Variants in ARPP21 observed in about 807,000 individuals in gnomAD.
The protein encoded by ARPP21 is cAMP-regulated phosphoprotein 21.
ARPP21 carries 69 observed loss-of-function variants against 113.2 expected under a neutral mutation model. The observed-to-expected ratio is 0.61, with a 90% CI of 0.50 to 0.74. The LOEUF (loss-of-function observed/expected upper bound fraction) is 0.74. Ranked by LOEUF, ARPP21 falls within the 30% of genes least tolerant of loss-of-function variation. The pLI is 0.00. For missense variants in ARPP21, 1,070 were observed against 1,037.4 expected (o/e 1.03, Z -0.43); for synonymous variants, 368 against 375.5 (o/e 0.98, Z 0.23).
chr3:35,750,115 C>CT (rs57509420), intron 19 of ARPP21, among the ~76,000 whole-genome samples: 13,914 of 92,404 alleles, frequency 0.15, 1,054 homozygotes, highest in Non-Finnish European at 0.21. Context: ...GTTTATTTCG[C>CT]TTTTTTTTTT....
At chr3:35,757,817 G>A (rs959190632) in intron 19 of ARPP21, among the ~76,000 whole-genome samples, 11 of 151,872 alleles carry the variant, frequency 7.2e-5, no homozygotes, top group Non-Finnish European at 1.6e-4. Flanking sequence ...TATTTATTTG[G>A]TATTATATTT....
At chr3:35,748,052 A>AGG (rs1340630853) in intron 19 of ARPP21, among the ~76,000 whole-genome samples, 2,087 of 137,168 alleles carry the variant, frequency 0.015, 106 homozygotes, top group African/African-American at 0.056. Flanking sequence ...GAGAGAAAGA[A>AGG]AAGGAAGAAG....
intron 1 of ARPP21, among the ~76,000 whole-genome samples, chr3:35,648,443 G>A (rs990991375): frequency 1.3e-5 from 2 of 152,146 alleles, no homozygotes; most frequent in African/African-American, 4.8e-5. Context: ...GAGGTGACAT[G>A]AGAGAAACAT....
At chr3:35,666,029 G>A (rs774477980) in intron 1 of ARPP21, among the ~76,000 whole-genome samples, 12 of 151,970 alleles carry the variant, frequency 7.9e-5, no homozygotes, top group South Asian at 2.1e-4. Context: ...CCAACCTTAC[G>A]GTTCAAAGAA....
intron 9 of ARPP21, among the ~76,000 whole-genome samples, chr3:35,701,867 T>C (rs2086548293): frequency 6.6e-6 from 1 of 151,562 alleles, no homozygotes; most frequent in African/African-American, 2.4e-5. Context: ...TAAGAATTGA[T>C]TTGACAAAAC....
chr3:35,733,079 G>C (rs981160837), intron 15 of ARPP21, among the ~76,000 whole-genome samples: 1 of 152,002 alleles, frequency 6.6e-6, no homozygotes. Flanking sequence ...TTGACAGAAG[G>C]GTAAATTCAG....
intron 11 of ARPP21, among the ~76,000 whole-genome samples, chr3:35,710,263 C>T (rs921113223): frequency 6.6e-6 from 1 of 152,078 alleles, no homozygotes; most frequent in Admixed American, 6.5e-5. Flanking sequence ...TTTTAGGAGA[C>T]TCTGCATATG....
rs1266714213 is a variant in ARPP21, at chr3:35,651,439, T to C, written c.-213+11041T>C. Among the ~76,000 whole-genome samples the C allele has an allele frequency of 7.9e-5, 12 of 152,092 alleles. No homozygotes were observed. In the East Asian group the frequency reaches 2.3e-3, roughly 29 times the overall value. ...ATGACACTTTTTTGTATAATATTCATGCATCCATTTTTATTGGCTTGTTCA... is the reference window on the plus strand; with the variant it reads ...ATGACACTTTTTTGTATAATATTCACGCATCCATTTTTATTGGCTTGTTCA... On this transcript the variant is annotated intron_variant, in intron 1 of 20. Coordinates refer to ENST00000684406, the MANE Select transcript of ARPP21 (RefSeq NM_001385562.1).
chr3:35,731,010 C>G (rs2150514806), intron 15 of ARPP21, among the ~76,000 whole-genome samples: 1 of 152,274 alleles, frequency 6.6e-6, no homozygotes, highest in African/African-American at 2.4e-5. Flanking sequence ...CAAAAGAACA[C>G]TAGGATCATA....
chr3:35,641,786 C>T (rs2148833849), intron 1 of ARPP21: 1 of 152,210 alleles, frequency 6.6e-6, no homozygotes, highest in Admixed American at 6.5e-5. Flanking sequence ...TGTAAATTTT[C>T]TGGAGAGTGA....
intron 19 of ARPP21, among the ~76,000 whole-genome samples, chr3:35,785,441 T>A (rs2096610442): frequency 6.6e-6 from 1 of 152,160 alleles, no homozygotes; most frequent in African/African-American, 2.4e-5. Context: ...TTGGAGGCAT[T>A]CATTGAAATT....
intron 19 of ARPP21, among the ~76,000 whole-genome samples, chr3:35,790,358 T>C (rs1009025967): frequency 4.6e-5 from 7 of 152,220 alleles, no homozygotes; most frequent in South Asian, 2.1e-4. Flanking sequence ...TTTTCTTATG[T>C]ATATAATAAT....
At chr3:35,668,180 G>A (rs937645257) in intron 1 of ARPP21, among the ~76,000 whole-genome samples, 6 of 152,122 alleles carry the variant, frequency 3.9e-5, no homozygotes, top group African/African-American at 1.4e-4. Context: ...CATTTTGGGG[G>A]AAGAGTATTC....
intron 9 of ARPP21, among the ~76,000 whole-genome samples, chr3:35,692,358 A>T (rs2082479240): frequency 6.6e-6 from 1 of 151,614 alleles, no homozygotes; most frequent in Non-Finnish European, 1.5e-5. Context: ...TTCCCTCTCC[A>T]TGCAATACTC....
intron 19 of ARPP21, among the ~76,000 whole-genome samples, chr3:35,762,488 G>T (rs375505830): frequency 3.3e-5 from 5 of 151,882 alleles, no homozygotes; most frequent in South Asian, 2.1e-4. Flanking sequence ...AAACTTTCAG[G>T]TCCTCATATA....
At chr3:35,667,888 A>AGAG (rs1373472567) in intron 1 of ARPP21, among the ~76,000 whole-genome samples, 1 of 129,754 alleles carries the variant, frequency 7.7e-6, no homozygotes, top group Non-Finnish European at 1.6e-5. Flanking sequence ...AAGAAGAAGA[A>AGAG]GAGGAAGAGG....
intron 9 of ARPP21, among the ~76,000 whole-genome samples, chr3:35,692,977 T>C (rs2082684381): frequency 6.6e-6 from 1 of 151,706 alleles, no homozygotes. Flanking sequence ...ATTTGTCCTT[T>C]AAAACTTTTA....
At chr3:35,771,465 A>T (rs2096198733) in intron 19 of ARPP21, among the ~76,000 whole-genome samples, 1 of 151,954 alleles carries the variant, frequency 6.6e-6, no homozygotes, top group Non-Finnish European at 1.5e-5. Flanking sequence ...AGTAGCTGGG[A>T]CTACAGGCGC....
rs929302615 is a variant in ARPP21 at position 35,667,758 on chromosome 3, T to C, written c.-212-12029T>C. Among the ~76,000 whole-genome samples the C allele has an allele frequency of 4.6e-5, 7 of 151,572 alleles. No individual in the cohort carries two copies. The South Asian group carries it at 1.5e-3, about 31-fold the overall frequency. On this transcript the variant is annotated intron_variant, in intron 1 of 20. Transcript: ENST00000684406. ...GTTAATTTATAATGAAATTTTGCAA[T>C]GGTATTGATGCAGTATCACTCCAAA...
Sources: gnomAD v4.1 joint callset for allele counts (sites outside exome capture counted in the v4.1 genomes callset) on GRCh38, gnomAD v4.1.1 for gene constraint, MANE v1.5 for transcripts, NCBI Gene and HGNC (gene_info 2026-07-23, HGNC 2026-07-21) for gene names.